Variants in PPP2R2B observed in about 807,000 individuals in gnomAD.
PPP2R2B encodes the protein protein phosphatase 2 regulatory subunit Bbeta, also known as serine/threonine-protein phosphatase 2A 55 kDa regulatory subunit B beta isoform.
Under a neutral mutation model 46.0 loss-of-function variants are expected in PPP2R2B, and 5 were observed. The ratio of observed to expected loss-of-function variants is 0.11; its 90% CI spans 0.06 to 0.23. The LOEUF is 0.23. PPP2R2B is among the 10% of genes least tolerant of loss of function. The pLI is 1.00. For missense variants in PPP2R2B, 367 were observed against 575.0 expected, an observed-to-expected ratio of 0.64 and a Z score of 3.70; for synonymous variants, 215 against 206.7, an observed-to-expected ratio of 1.04 and a Z score of -0.34.
intron 1 of PPP2R2B, among the ~76,000 whole-genome samples, chr5:147,055,429 G>A (rs181598723): frequency 6.6e-6 from 1 of 152,356 alleles, no homozygotes; most frequent in East Asian, 1.9e-4. Context: ...CTAATTAGCT[G>A]TGTCAGCTTT....
chr5:146,914,426 C>T (rs569285495), intron 1 of PPP2R2B: 20 of 152,264 alleles, frequency 1.3e-4, no homozygotes, highest in African/African-American at 4.1e-4. Flanking sequence ...CCTGGTACGT[C>T]ATTACAACCT....
At chr5:146,592,669 A>G (rs1306452101) in intron 9 of PPP2R2B, among the ~76,000 whole-genome samples, 1 of 152,210 alleles carries the variant, frequency 6.6e-6, no homozygotes, top group African/African-American at 2.4e-5. Flanking sequence ...TGGATAAGTG[A>G]TCTTCATTTA....
chr5:146,879,961 A>G (rs1193129259), upstream of PPP2R2B, among the ~76,000 whole-genome samples: 2 of 152,238 alleles, frequency 1.3e-5, no homozygotes, highest in African/African-American at 4.8e-5. Context: ...CTATGAGTTA[A>G]TTATATACAT....
chr5:147,073,555 T>G (rs747612367), intron 2 of PPP2R2B, among the ~76,000 whole-genome samples: 1 of 152,306 alleles, frequency 6.6e-6, no homozygotes. Context: ...GGGAAGGTTT[T>G]CACTCCCTTC....
intron 6 of PPP2R2B, among the ~76,000 whole-genome samples, chr5:146,648,289 G>A (rs1478627600): frequency 6.6e-6 from 1 of 152,188 alleles, no homozygotes; most frequent in Non-Finnish European, 1.5e-5. Flanking sequence ...CCGAGTTTCT[G>A]AATTACTGAT....
intron 2 of PPP2R2B, among the ~76,000 whole-genome samples, chr5:146,715,467 C>T (rs766878180): frequency 4.6e-5 from 7 of 152,120 alleles, no homozygotes; most frequent in Non-Finnish European, 1.0e-4. Context: ...CCAGGCACGG[C>T]GTTCGACCCT....
chr5:146,800,258 C>G (rs140798901), intron 2 of PPP2R2B, among the ~76,000 whole-genome samples: 1 of 152,124 alleles, frequency 6.6e-6, no homozygotes, highest in Admixed American at 6.5e-5. Context: ...GTACTGATTA[C>G]CTATCTATGG....
At chr5:146,876,445 T>C (rs1249984069) in intron 2 of PPP2R2B, among the ~76,000 whole-genome samples, 1 of 152,122 alleles carries the variant, frequency 6.6e-6, no homozygotes, top group Non-Finnish European at 1.5e-5. Context: ...CAAACAGAAA[T>C]AAATGTTCCC....
chr5:146,675,195 C>T (rs1015029453), intron 5 of PPP2R2B, among the ~76,000 whole-genome samples: 1 of 152,044 alleles, frequency 6.6e-6, no homozygotes, highest in African/African-American at 2.4e-5. Context: ...CTCCTGACCT[C>T]GTGATCCACC....
At chr5:146,960,126 C>T (rs1752102624) in intron 1 of PPP2R2B, among the ~76,000 whole-genome samples, 1 of 152,144 alleles carries the variant, frequency 6.6e-6, no homozygotes, top group Non-Finnish European at 1.5e-5. Flanking sequence ...TCATCTACCT[C>T]CAGCTGTGTT....
intron 7 of PPP2R2B, among the ~76,000 whole-genome samples, chr5:146,603,808 G>A (rs1483707903): frequency 1.3e-5 from 2 of 152,114 alleles, no homozygotes; most frequent in African/African-American, 4.8e-5. Context: ...TATATATGTG[G>A]ATAACTAAGG....
intron 2 of PPP2R2B, among the ~76,000 whole-genome samples, chr5:147,075,377 A>C (rs1201409642): frequency 1.3e-5 from 2 of 152,122 alleles, no homozygotes; most frequent in Non-Finnish European, 2.9e-5. Context: ...TCATCAACAA[A>C]TTGTTTGTTG....
At chr5:146,743,111 C>T (rs986627372) in intron 2 of PPP2R2B, among the ~76,000 whole-genome samples, 2 of 152,146 alleles carry the variant, frequency 1.3e-5, no homozygotes, top group African/African-American at 4.8e-5. Context: ...CCCTAGCAAA[C>T]TAATATAGTA....
intron 7 of PPP2R2B, among the ~76,000 whole-genome samples, chr5:146,608,145 G>A (rs1258400761): frequency 6.6e-6 from 1 of 152,138 alleles, no homozygotes; most frequent in Non-Finnish European, 1.5e-5. Context: ...GGTAGGAGGG[G>A]GCATCCTATC....
chr5:146,804,891 T>C (rs1269839011), intron 2 of PPP2R2B, among the ~76,000 whole-genome samples: 1 of 152,138 alleles, frequency 6.6e-6, no homozygotes, highest in Admixed American at 6.5e-5. Flanking sequence ...GCAGCCTATG[T>C]GGGGTTCACA....
chr5:146,675,089 G>A (rs1279838505), intron 5 of PPP2R2B, among the ~76,000 whole-genome samples: 2 of 152,116 alleles, frequency 1.3e-5, no homozygotes, highest in Non-Finnish European at 2.9e-5. Flanking sequence ...CAGCCTCCAA[G>A]TAGCTGGGAT....
intron 1 of PPP2R2B, among the ~76,000 whole-genome samples, chr5:146,952,827 G>A (rs142973526): frequency 6.6e-6 from 1 of 152,242 alleles, no homozygotes; most frequent in African/African-American, 2.4e-5. Flanking sequence ...TGGCTGCTAG[G>A]TATGTGAGAG....
intron 1 of PPP2R2B, among the ~76,000 whole-genome samples, chr5:146,926,261 G>A (rs2151818349): frequency 6.6e-6 from 1 of 151,946 alleles, no homozygotes; most frequent in African/African-American, 2.4e-5. Flanking sequence ...TTCCCTTTAT[G>A]GTGGTTGTTG....
intron 5 of PPP2R2B, among the ~76,000 whole-genome samples, chr5:146,683,740 T>G (rs1327154933): frequency 6.6e-6 from 1 of 152,116 alleles, no homozygotes; most frequent in African/African-American, 2.4e-5. Context: ...GGCTTGTCAG[T>G]GAGGGTAGTG....
Sources: gnomAD v4.1 joint callset for allele counts (sites outside exome capture counted in the v4.1 genomes callset) on GRCh38, gnomAD v4.1.1 for gene constraint, MANE v1.5 for transcripts, NCBI Gene and HGNC (gene_info 2026-07-23, HGNC 2026-07-21) for gene names.